LRP2: variants seen among roughly 807,000 people sequenced by gnomAD.
LRP2 encodes LDL receptor related protein 2.
LRP2 carries 172 observed loss-of-function variants against 531.0 expected under a neutral mutation model. The ratio of observed to expected loss-of-function variants is 0.32; its 90% CI spans 0.29 to 0.37. The LOEUF is 0.37. LRP2 is among the 10% of genes least tolerant of loss of function. LRP2 has a pLI of 1.00. For synonymous variants in LRP2, 1,992 were observed against 2,027.6 expected (o/e 0.98, Z 0.47); for missense variants, 5,167 against 5,868.3 (o/e 0.88, Z 3.90).
Position 169,299,117 on chromosome 2 carries a change from AAG to A in LRP2, c.428-4409_428-4408del, listed in dbSNP as rs1684210784. ...AAAGAAAGAAAGAAAGAAAGAAAGAAAGAAAGAAAGAAAGAAAGAAAGAAAGA... is the reference window on the plus strand; with the variant it reads ...AAAGAAAGAAAGAAAGAAAGAAAGAAAAAGAAAGAAAGAAAGAAAGAAAGA... On this transcript the variant is annotated intron_variant, in intron 4 of 78. Transcript: ENST00000649046. Among the ~76,000 whole-genome samples the A allele has an allele frequency of 1.4e-4, 15 of 103,646 alleles. 1 individual carries two copies. The highest frequency in any genetic ancestry group is 8.2e-5 in the Non-Finnish European group (4 of 48,972). The allele number at this position is 103,646 out of a possible 152,430, so 68.0% of individuals were successfully genotyped here.
intron 3 of LRP2, among the ~76,000 whole-genome samples, chr2:169,310,598 T>A (rs1364299819): frequency 6.6e-6 from 1 of 152,226 alleles, no homozygotes; most frequent in East Asian, 1.9e-4. Flanking sequence ...CTGGATTGGG[T>A]TTGCCAGTAT....
chr2:169,203,047 C>T (rs1427701615), intron 42 of LRP2, 88 bp from the exon 43 acceptor site: 1 of 1,048,812 alleles, frequency 9.5e-7, no homozygotes, highest in African/African-American at 1.6e-5. Flanking sequence ...GCAACAGCTT[C>T]TACATTAAAT....
intron 44 of LRP2, among the ~76,000 whole-genome samples, chr2:169,200,022 G>A (rs1688143157): frequency 1.3e-5 from 2 of 152,136 alleles, no homozygotes; most frequent in Non-Finnish European, 2.9e-5. Context: ...AGGCCAAGGT[G>A]GGCGGATCAT....
In LRP2 at chr2:169,280,265, C is replaced by A; in HGVS notation, c.1341+85G>T. 3 of 1,489,310 alleles carry A rather than the reference C, an allele frequency of 2.0e-6. 1 individual carries two copies. In the South Asian group the frequency reaches 3.5e-5, roughly 17 times the overall value. The allele number at this position is 1,489,310 out of a possible 1,614,324, so 92.3% of individuals were successfully genotyped here. A position where few individuals can be genotyped will look rare whatever the true frequency, so the allele number is the denominator to read the frequency against. On this transcript the variant is annotated intron_variant, in intron 11 of 78. Coordinates refer to ENST00000649046, the MANE Select transcript of LRP2 (RefSeq NM_004525.3). ...CCTTTTTTGTTAGAAAACAAAGGAA[C>A]TTTCCCCTCTACTCCCTCTAAAAGT...
intron 52 of LRP2, among the ~76,000 whole-genome samples, chr2:169,178,399 A>G (rs887298875): frequency 4.6e-5 from 7 of 152,166 alleles, no homozygotes; most frequent in South Asian, 4.1e-4. Context: ...GGTGAACACC[A>G]TTCTTGTTTC....
chr2:169,294,524 A>T, intron 5 of LRP2, 76 bp downstream of exon 5: 1 of 1,037,824 alleles, frequency 9.6e-7, no homozygotes, highest in South Asian at 1.3e-5. Flanking sequence ...TTGGGAAGAG[A>T]TGTACATATT....
intron 47 of LRP2, 91 bp from the exon 48 acceptor site, chr2:169,192,124 A>G (rs1170276830): frequency 8.9e-6 from 8 of 899,596 alleles, no homozygotes; most frequent in African/African-American, 1.7e-5. Context: ...CATTCTAAGT[A>G]TGAAAGGAAA....
At chr2:169,140,306 A>G (rs1574065086) in intron 72 of LRP2, 149 bp downstream of exon 72, 2 of 698,002 alleles carry the variant, frequency 2.9e-6, no homozygotes, top group Admixed American at 2.1e-5. Flanking sequence ...AGTTCTCTGT[A>G]GACTCCCTCA....
chr2:169,205,875 T>TA, intron 40 of LRP2, 148 bp downstream of exon 40: 3 of 1,161,666 alleles, frequency 2.6e-6, no homozygotes, highest in Non-Finnish European at 3.8e-6. Flanking sequence ...CCTTCCCACG[T>TA]AAAATCACTC....
intron 16 of LRP2, among the ~76,000 whole-genome samples, chr2:169,268,591 T>G (rs1395053237): frequency 2.6e-5 from 4 of 152,234 alleles, no homozygotes; most frequent in Non-Finnish European, 4.4e-5. Flanking sequence ...TAGGTATTGA[T>G]GGGATGTATC....
chr2:169,150,543 T>C (rs754683184), intron 68 of LRP2, among the ~76,000 whole-genome samples: 2 of 152,220 alleles, frequency 1.3e-5, no homozygotes, highest in Non-Finnish European at 2.9e-5. Context: ...TGGATTTCAA[T>C]GAATGAGTTA....
chr2:169,220,228 A>G (rs1202361721), intron 34 of LRP2, among the ~76,000 whole-genome samples: 1 of 152,224 alleles, frequency 6.6e-6, no homozygotes, highest in South Asian at 2.1e-4. Context: ...TTAATTTTAA[A>G]TCCAGTGTTG....
Position 169,212,137 on chromosome 2 carries a change from T to C in LRP2, c.6111A>G (p.Pro2037=), listed in dbSNP as rs775979954. Residue 2037 remains proline, a synonymous_variant, in exon 37 of 79, where the codon CCA becomes CCG. Coordinates refer to ENST00000649046, the MANE Select transcript of LRP2 (RefSeq NM_004525.3). ...CACAGGCGCAGGAAAACAATCCTCC[T>C]GGTACAGGCAGGCAAATCTGCTGAC... ...NACQQICLPV[P]GGLFSCACAT... is the part of the protein sequence containing the mutation. The C allele has an allele frequency of 6.2e-7, 1 of 1,614,048 alleles. No homozygotes were observed. The highest frequency in any genetic ancestry group is 8.5e-7 in the Non-Finnish European group (1 of 1,179,936).
intron 47 of LRP2, among the ~76,000 whole-genome samples, chr2:169,193,070 C>A (rs1254712517): frequency 2.0e-5 from 3 of 152,110 alleles, no homozygotes; most frequent in Non-Finnish European, 2.9e-5. Context: ...TCCCTCCATG[C>A]CGCTTTAAGG....
chr2:169,149,235 T>C (rs1411846793), intron 68 of LRP2, among the ~76,000 whole-genome samples: 4 of 152,240 alleles, frequency 2.6e-5, no homozygotes, highest in Non-Finnish European at 5.9e-5. Context: ...ACAGCAAGAA[T>C]AGAATAAATG....
chr2:169,201,325 G>A lies in LRP2; in HGVS notation c.8452+303C>T, dbSNP rs13401581. ...ATTTGAACATGGACTAGGTACTCAG[G>A]GATATTTAGTAAGCACTTTTGATTT... On this transcript the variant is annotated intron_variant, in intron 44 of 78. Transcript: ENST00000649046. Among the ~76,000 whole-genome samples, 20,539 of 152,096 alleles carry A rather than the reference G, an allele frequency of 0.14. 3,295 individuals carry two copies. The highest frequency in any genetic ancestry group is 0.39 in the African/African-American group (16,069 of 41,432).
At chr2:169,142,327 T>C (rs1423154710) in intron 71 of LRP2, among the ~76,000 whole-genome samples, 1 of 152,138 alleles carries the variant, frequency 6.6e-6, no homozygotes, top group African/African-American at 2.4e-5. Flanking sequence ...GAGCTACAAT[T>C]AAGGTTGAGT....
At chr2:169,196,864 T>G in intron 46 of LRP2, 47 bp downstream of exon 46, 1 of 1,612,876 alleles carries the variant, frequency 6.2e-7, no homozygotes, top group Non-Finnish European at 8.5e-7. Flanking sequence ...GAGACTGAAG[T>G]TGTCTAGCTG....
chr2:169,198,718 T>C, intron 45 of LRP2, 68 bp downstream of exon 45: 2 of 1,583,286 alleles, frequency 1.3e-6, no homozygotes, highest in Non-Finnish European at 8.6e-7. Context: ...CCACGCTTCA[T>C]ATCTTTGTAT....
Sources: gnomAD v4.1 joint callset for allele counts (sites outside exome capture counted in the v4.1 genomes callset) on GRCh38, gnomAD v4.1.1 for gene constraint, MANE v1.5 for transcripts, NCBI Gene and HGNC (gene_info 2026-07-23, HGNC 2026-07-21) for gene names.